BTBD8: variants seen among roughly 807,000 people sequenced by gnomAD.
BTBD8 encodes the protein BTB/POZ domain-containing protein 8.
BTBD8 carries 110 observed loss-of-function variants against 162.9 expected under a neutral mutation model. The observed-to-expected ratio is 0.68, with a 90% CI of 0.58 to 0.79. The LOEUF (loss-of-function observed/expected upper bound fraction) is 0.79. BTBD8 is among the 30% of genes least tolerant of loss of function. The probability of loss-of-function intolerance (pLI) is 0.00; values close to 1 mark genes in which losing one functional copy is unlikely to be tolerated. For missense variants in BTBD8, 1,905 were observed against 2,085.4 expected (o/e 0.91, Z 1.68); for synonymous variants, 667 against 716.1 (o/e 0.93, Z 1.10).
intron 2 of BTBD8, among the ~76,000 whole-genome samples, chr1:92,099,243 C>T (rs146667055): frequency 2.0e-5 from 3 of 152,228 alleles, no homozygotes; most frequent in Admixed American, 6.5e-5. Flanking sequence ...TTCCACTGAT[C>T]TACATGTCCA....
rs1260022523 is a variant in BTBD8 at position 92,118,791 on chromosome 1, T to TTTTC, written c.662+10802_662+10805dup. ...TTTGTACTTTAGCTTATAATTTGGC[T>TTTTC]TTTCTTTCTTTCTTTTTTTTTTTTT... is the stretch of plus-strand genomic sequence containing the variant. On this transcript the variant is annotated intron_variant, in intron 4 of 17. Coordinates refer to ENST00000636805, the MANE Select transcript of BTBD8 (RefSeq NM_001376131.1). Among the ~76,000 whole-genome samples the TTTTC allele has an allele frequency of 6.5e-3, 797 of 122,710 alleles. 16 individuals are homozygous for TTTTC. Among genetic ancestry groups the TTTTC allele is most frequent in the African/African-American group, 0.016 (441 of 28,236 alleles). 80.5% of individuals were successfully genotyped at this position (122,710 alleles called of 152,430 possible).
At chr1:92,115,114 C>A in intron 4 of BTBD8, 1 of 455,952 alleles carries the variant, frequency 2.2e-6, no homozygotes, top group Non-Finnish European at 4.3e-6. Context: ...TGAAAGGCCA[C>A]GCCATTGAGC....
intron 4 of BTBD8, among the ~76,000 whole-genome samples, chr1:92,129,163 C>A (rs986066992): frequency 8.6e-5 from 13 of 151,298 alleles, no homozygotes; most frequent in Non-Finnish European, 7.4e-5. Context: ...AATTAAAGAA[C>A]CTTCAAAGAA....
chr1:92,177,168 G>T lies in BTBD8; in HGVS notation c.1975G>T (p.Val659Leu). 4 of 1,551,842 alleles carry T rather than the reference G, an allele frequency of 2.6e-6. No homozygotes were observed. The highest frequency in any genetic ancestry group is 1.7e-6 in the Non-Finnish European group (2 of 1,147,028). Residue 659 changes from valine to leucine, a missense_variant, in exon 14 of 18, where the codon GTA becomes TTA. Physicochemically the swap from Val to Leu is conservative, Grantham distance 32. Coordinates refer to ENST00000636805, the MANE Select transcript of BTBD8 (RefSeq NM_001376131.1). ...RLENMSPRQVVERSATAAAAA... is the reference protein window; with the variant it reads ...RLENMSPRQVLERSATAAAAA... ...GGAAAACATGTCACCTAGACAAGTTGTAGAAAGATCAGCAACAGCAGCAGC... is the reference window on the plus strand; with the variant it reads ...GGAAAACATGTCACCTAGACAAGTTTTAGAAAGATCAGCAACAGCAGCAGC...
intron 1 of BTBD8, among the ~76,000 whole-genome samples, chr1:92,082,870 T>C (rs932737246): frequency 1.8e-4 from 27 of 152,296 alleles, no homozygotes; most frequent in Non-Finnish European, 2.8e-4. Flanking sequence ...CTAATACTTA[T>C]TGCCATCCTA....
At chr1:92,166,832 A>G (rs1650398519) in intron 9 of BTBD8, 126 bp from the exon 10 acceptor site, 2 of 879,788 alleles carry the variant, frequency 2.3e-6, no homozygotes, top group African/African-American at 1.7e-5. Flanking sequence ...TAACAAAGAC[A>G]TTAGCTACCT....
At chr1:92,093,306 C>T (rs1295754079) in intron 2 of BTBD8, among the ~76,000 whole-genome samples, 3 of 151,174 alleles carry the variant, frequency 2.0e-5, no homozygotes, top group Non-Finnish European at 2.9e-5. Context: ...AATTCTCCAG[C>T]CTCAGCCTCT....
At chr1:92,129,134 T>C (rs1032859648) in intron 4 of BTBD8, among the ~76,000 whole-genome samples, 1 of 152,172 alleles carries the variant, frequency 6.6e-6, no homozygotes, top group East Asian at 1.9e-4. Context: ...ATATCAATTA[T>C]GTTTTTATAA....
At chr1:92,120,483 A>G (rs1363012200) in intron 4 of BTBD8, among the ~76,000 whole-genome samples, 1 of 152,234 alleles carries the variant, frequency 6.6e-6, no homozygotes, top group Non-Finnish European at 1.5e-5. Flanking sequence ...AAATAACAAT[A>G]TAAAATGTAG....
Position 92,102,685 on chromosome 1 carries a change from T to C in BTBD8, c.544+16T>C, listed in dbSNP as rs756073491. On this transcript the variant is annotated intron_variant, in intron 3 of 17. Coordinates refer to ENST00000636805, the MANE Select transcript of BTBD8 (RefSeq NM_001376131.1). ...ATTTCCAATGGTGAGGTATTTTTTA[T>C]GGAGTTGTATTTATAGCCGTAAAAA... 2 of 1,437,790 alleles carry C rather than the reference T, an allele frequency of 1.4e-6. No individual in the cohort carries two copies. The highest frequency in any genetic ancestry group is 1.8e-6 in the Non-Finnish European group (2 of 1,086,698). 89.1% of individuals were successfully genotyped at this position (1,437,790 alleles called of 1,614,324 possible).
At chr1:92,085,370 T>A (rs1472566250) in intron 1 of BTBD8, among the ~76,000 whole-genome samples, 1 of 152,176 alleles carries the variant, frequency 6.6e-6, no homozygotes, top group Non-Finnish European at 1.5e-5. Context: ...GGCGAGCAGA[T>A]CACTTGAGGT....
intron 9 of BTBD8, among the ~76,000 whole-genome samples, chr1:92,154,752 T>G (rs1650120978): frequency 6.6e-6 from 1 of 152,218 alleles, no homozygotes; most frequent in African/African-American, 2.4e-5. Flanking sequence ...CTTGTTTTCT[T>G]TGCTGTATGG....
chr1:92,098,138 C>G (rs1043715411), intron 2 of BTBD8, among the ~76,000 whole-genome samples: 1 of 152,178 alleles, frequency 6.6e-6, no homozygotes, highest in African/African-American at 2.4e-5. Context: ...CTTGTATAAA[C>G]AGTTTAGACA....
At chr1:92,105,023 C>G (rs888159979) in intron 3 of BTBD8, among the ~76,000 whole-genome samples, 2 of 151,904 alleles carry the variant, frequency 1.3e-5, no homozygotes, top group Non-Finnish European at 2.9e-5. Flanking sequence ...ACCTCCGCCT[C>G]CCGGGTTCAC....
intron 3 of BTBD8, among the ~76,000 whole-genome samples, chr1:92,104,145 A>T (rs2101904391): frequency 6.6e-6 from 1 of 152,352 alleles, no homozygotes; most frequent in South Asian, 2.1e-4. Context: ...TTGTTCCCTA[A>T]TACATGAATT....
intron 3 of BTBD8, among the ~76,000 whole-genome samples, chr1:92,105,672 G>A (rs982612093): frequency 9.9e-5 from 15 of 152,210 alleles, no homozygotes; most frequent in African/African-American, 2.4e-5. Flanking sequence ...GCAAGGTTAC[G>A]ATAAACAGTT....
Position 92,171,456 on chromosome 1 carries a change from C to G in BTBD8, c.1631C>G (p.Ser544Trp). 6.6e-7 allele frequency: 1 copy of G among 1,507,870 alleles called. No homozygotes were observed. The highest frequency in any genetic ancestry group is 1.4e-5 in the African/African-American group (1 of 71,794). The allele number at this position is 1,507,870 out of a possible 1,614,324, so 93.4% of individuals were successfully genotyped here. Residue 544 changes from serine (S) to tryptophan (W), a missense_variant, in exon 13 of 18, where the codon TCG becomes TGG. Around this residue, in one of 3 missense-constraint regions of BTBD8, gnomAD observed 1,374 missense variants for 1,442.7 expected, o/e 0.95. Coordinates refer to ENST00000636805, the MANE Select transcript of BTBD8 (RefSeq NM_001376131.1). ...GGCAAAAAGCCTATATTCAGTAGCT[C>G]GCAGGTAAACTTTCTAAATTTTATA... ...RLGKKPIFSS[S>W]QQRKQVSDSG...
intron 6 of BTBD8, chr1:92,139,682 T>C (rs1438833042): frequency 7.9e-6 from 5 of 636,790 alleles, no homozygotes; most frequent in Non-Finnish European, 1.0e-5. Flanking sequence ...AAGCTATAAA[T>C]TATGGTTTAT....
chr1:92,157,722 T>C (rs1650192695), intron 9 of BTBD8, among the ~76,000 whole-genome samples: 1 of 151,804 alleles, frequency 6.6e-6, no homozygotes, highest in South Asian at 2.1e-4. Flanking sequence ...GGTCTCAAAA[T>C]CCTGGCCACT....
Sources: gnomAD v4.1 joint callset for allele counts (sites outside exome capture counted in the v4.1 genomes callset) on GRCh38, gnomAD v4.1.1 for gene constraint, gnomAD v4.1.1 regional missense constraint, MANE v1.5 for transcripts, NCBI Gene and HGNC (gene_info 2026-07-23, HGNC 2026-07-21) for gene names.